The following SLC14A2 variants were observed in gnomAD, a reference collection of about 807,000 sequenced individuals.
The protein encoded by SLC14A2 is urea transporter 2.
SLC14A2 carries 91 observed loss-of-function variants against 104.6 expected under a neutral mutation model. The ratio of observed to expected loss-of-function variants is 0.87; its 90% CI spans 0.73 to 1.04. SLC14A2 has a LOEUF of 1.04. Ranked by LOEUF, SLC14A2 falls within the 50% of genes least tolerant of loss-of-function variation. The pLI, the probability that SLC14A2 is intolerant of heterozygous loss-of-function variation, is 0.00. For missense variants in SLC14A2, 1,189 were observed against 1,156.0 expected, an observed-to-expected ratio of 1.03 and a Z score of -0.41; for synonymous variants, 476 against 466.4, an observed-to-expected ratio of 1.02 and a Z score of -0.27.
At chr18:45,257,827 T>C (rs1023321989) in intron 1 of SLC14A2, among the ~76,000 whole-genome samples, 1 of 152,152 alleles carries the variant, frequency 6.6e-6, no homozygotes, top group African/African-American at 2.4e-5. Context: ...TTCTCCCAAG[T>C]TTCAAAACGT....
intron 8 of SLC14A2, among the ~76,000 whole-genome samples, chr18:45,642,928 C>G (rs1415256224): frequency 6.6e-6 from 1 of 152,214 alleles, no homozygotes; most frequent in Non-Finnish European, 1.5e-5. Flanking sequence ...AATGAACAGT[C>G]TGGTGGGAGA....
intron 18 of SLC14A2, among the ~76,000 whole-genome samples, chr18:45,678,358 TG>T (rs1160634941): frequency 6.6e-6 from 1 of 152,198 alleles, no homozygotes; most frequent in Non-Finnish European, 1.5e-5. Flanking sequence ...GGTTAACTCT[TG>T]TTAATATAAT....
Position 45,229,374 on chromosome 18 carries a change from G to A in SLC14A2, c.-125+16183G>A, listed in dbSNP as rs146222874. ...GATAATAGATATAGATCACCTGGGA[G>A]TTAAGACAGCAATGATCCCCGTAGG... On this transcript the variant is annotated intron_variant, in intron 1 of 20. Coordinates refer to the SLC14A2 transcript ENST00000586448. Among the ~76,000 whole-genome samples, 49 of 152,170 alleles carry A rather than the reference G, an allele frequency of 3.2e-4. 1 individual carries two copies. Among genetic ancestry groups the A allele is most frequent in the African/African-American group, 9.4e-4 (39 of 41,486 alleles).
chr18:45,185,857 C>G, the SLC14A2 span, among the ~76,000 whole-genome samples: 48 of 152,134 alleles, frequency 3.2e-4, no homozygotes, highest in Non-Finnish European at 4.6e-4. Flanking sequence ...CAATCATAAA[C>G]TAAATTTTTT....
rs530952535 is a variant in SLC14A2 at position 45,260,229 on chromosome 18, G to C, written c.-125+47038G>C. ...CTGTGCAATGGATCATACTAGGGAA[G>C]GCATAAACACAAGGCACATGTGTCC... On this transcript the variant is annotated intron_variant, in intron 1 of 20. Coordinates refer to the SLC14A2 transcript ENST00000586448. Among the ~76,000 whole-genome samples, 4 of 152,272 alleles carry C rather than the reference G, an allele frequency of 2.6e-5. No homozygotes were observed. In the East Asian group the frequency reaches 7.7e-4, roughly 29 times the overall value.
chr18:45,298,807 G>A (rs1159811837), intron 1 of SLC14A2, among the ~76,000 whole-genome samples: 1 of 152,198 alleles, frequency 6.6e-6, no homozygotes, highest in Non-Finnish European at 1.5e-5. Context: ...AATGGGAGGA[G>A]TGGGGGACCT....
chr18:45,256,449 T>C (rs1356871850), intron 1 of SLC14A2, among the ~76,000 whole-genome samples: 1 of 152,210 alleles, frequency 6.6e-6, no homozygotes, highest in Admixed American at 6.5e-5. Flanking sequence ...CTGATAGGTG[T>C]GTTGTGCAGG....
At chr18:45,254,895 C>A (rs929480787) in intron 1 of SLC14A2, among the ~76,000 whole-genome samples, 1 of 152,130 alleles carries the variant, frequency 6.6e-6, no homozygotes, top group Non-Finnish European at 1.5e-5. Context: ...ACTTCCCAAC[C>A]CTTCCCTGGG....
chr18:45,355,209 G>A (rs2085540687), intron 1 of SLC14A2, among the ~76,000 whole-genome samples: 3 of 152,072 alleles, frequency 2.0e-5, no homozygotes, highest in South Asian at 4.2e-4. Context: ...ACGGGGCCTG[G>A]CACATAGTAA....
At chr18:45,460,327 C>T (rs1000212115) in intron 1 of SLC14A2, among the ~76,000 whole-genome samples, 15 of 152,202 alleles carry the variant, frequency 9.9e-5, no homozygotes, top group African/African-American at 3.1e-4. Context: ...CCACCACCTC[C>T]ATGCTGCAGC....
rs368335662 is a variant in SLC14A2 at position 45,628,048 on chromosome 18, C to G, written c.521+901C>G. 1.9e-3 allele frequency among the ~76,000 whole-genome samples: 284 copies of G among 146,594 alleles called. 5 individuals carry two copies. Among genetic ancestry groups the G allele is most frequent in the South Asian group, 0.011 (50 of 4,512 alleles). On this transcript the variant is annotated intron_variant, in intron 4 of 19. Transcript: ENST00000255226. ...AAAGAAAAAGAAAAAAGAATAAAAA[C>G]TTGCATTTTGTAGAACTTGACCACT...
intron 2 of SLC14A2, among the ~76,000 whole-genome samples, chr18:45,525,915 A>G (rs996041748): frequency 6.6e-6 from 1 of 152,222 alleles, no homozygotes; most frequent in African/African-American, 2.4e-5. Flanking sequence ...TTCCAGGTGC[A>G]TCTTCAGACT....
intron 2 of SLC14A2, among the ~76,000 whole-genome samples, chr18:45,582,528 C>T (rs569363798): frequency 2.2e-4 from 34 of 152,178 alleles, no homozygotes; most frequent in Non-Finnish European, 2.5e-4. Flanking sequence ...GAGAAATACC[C>T]CCACGCTTAA....
intron 2 of SLC14A2, among the ~76,000 whole-genome samples, chr18:45,536,747 G>A (rs1026934896): frequency 2.0e-5 from 3 of 152,174 alleles, no homozygotes; most frequent in Admixed American, 2.0e-4. Flanking sequence ...GCATATGAAT[G>A]GCAGCAAAGA....
At chr18:45,506,047 C>T (rs1183199092) in intron 2 of SLC14A2, among the ~76,000 whole-genome samples, 1 of 152,190 alleles carries the variant, frequency 6.6e-6, no homozygotes, top group Non-Finnish European at 1.5e-5. Context: ...TGCAAAGTGT[C>T]TGCTAGCCTC....
At chr18:45,605,323 T>C (rs1229674541) in intron 2 of SLC14A2, among the ~76,000 whole-genome samples, 5 of 152,284 alleles carry the variant, frequency 3.3e-5, no homozygotes, top group Middle Eastern at 3.4e-3. Flanking sequence ...CATGTACCCC[T>C]CAGGGCAAAC....
At chr18:45,669,010 C>T (rs184643583) in intron 15 of SLC14A2, among the ~76,000 whole-genome samples, 16 of 152,346 alleles carry the variant, frequency 1.1e-4, no homozygotes, top group Non-Finnish European at 5.9e-5. Flanking sequence ...AATGTGATTC[C>T]CTCCCCTCGG....
intron 2 of SLC14A2, among the ~76,000 whole-genome samples, chr18:45,593,272 G>C (rs980643128): frequency 9.3e-5 from 14 of 151,008 alleles, no homozygotes; most frequent in African/African-American, 3.4e-4. Context: ...AGCCGAGATC[G>C]CTCCACGGCA....
At chr18:45,195,525 G>A in the SLC14A2 span, among the ~76,000 whole-genome samples, 1 of 152,274 alleles carries the variant, frequency 6.6e-6, no homozygotes, top group Middle Eastern at 3.4e-3. Context: ...CAGAGTAGCT[G>A]GGACTACAGG....
Sources: gnomAD v4.1 joint callset for allele counts (sites outside exome capture counted in the v4.1 genomes callset) on GRCh38, gnomAD v4.1.1 for gene constraint, MANE v1.5 for transcripts, NCBI Gene and HGNC (gene_info 2026-07-23, HGNC 2026-07-21) for gene names.